Variants in SCAF8 observed in about 807,000 individuals in gnomAD.
The protein encoded by SCAF8 is SR-related CTD associated factor 8.
Under a neutral mutation model 140.5 loss-of-function variants are expected in SCAF8, and 23 were observed. The ratio of observed to expected loss-of-function variants is 0.16; its 90% CI spans 0.12 to 0.23. The LOEUF (loss-of-function observed/expected upper bound fraction) is 0.23, where lower values mean the gene tolerates loss of function less well. SCAF8 is among the 10% of genes least tolerant of loss of function. The pLI is 1.00. For missense variants in SCAF8, 1,397 were observed against 1,555.7 expected (o/e 0.90, Z 1.72); for synonymous variants, 575 against 528.9 (o/e 1.09, Z -1.20).
At chr6:154,736,460 T>A (rs774619078) in intron 1 of SCAF8, among the ~76,000 whole-genome samples, 2 of 151,680 alleles carry the variant, frequency 1.3e-5, no homozygotes, top group Non-Finnish European at 2.9e-5. Flanking sequence ...TTAGTAGAGA[T>A]GGGGTTTCAT....
At chr6:154,826,639 C>T (rs988389106) in intron 17 of SCAF8, among the ~76,000 whole-genome samples, 4 of 152,060 alleles carry the variant, frequency 2.6e-5, no homozygotes, top group East Asian at 1.9e-4. Flanking sequence ...CCCAGCTACT[C>T]GGGAGGCTGA....
chr6:154,821,955 A>G (rs1778432770), intron 15 of SCAF8, among the ~76,000 whole-genome samples: 1 of 152,194 alleles, frequency 6.6e-6, no homozygotes, highest in Non-Finnish European at 1.5e-5. Flanking sequence ...ATTTTGTGAT[A>G]AAAAATTGAG....
chr6:154,763,410 A>G (rs1776462138), intron 1 of SCAF8, among the ~76,000 whole-genome samples: 1 of 152,282 alleles, frequency 6.6e-6, no homozygotes, highest in East Asian at 1.9e-4. Context: ...GGTTGATTAC[A>G]TTTAGTTATT....
At chr6:154,815,188 T>TCGGGAGACTGAGG (rs1778211530) in intron 12 of SCAF8, among the ~76,000 whole-genome samples, 1 of 152,064 alleles carries the variant, frequency 6.6e-6, no homozygotes, top group Non-Finnish European at 1.5e-5. Flanking sequence ...TCCTAGCTAC[T>TCGGGAGACTGAGG]CGGGAGACTG....
Position 154,832,073 on chromosome 6 carries a change from T to G in SCAF8, c.2494T>G (p.Ser832Ala), listed in dbSNP as rs201456007. ...TTCTGAAATTCTTGGGGTCCGGCCA[T>G]CTAATGTTTCCAGTAGTTCTGGGAT... ...SNSEILGVRP[S>A]NVSSSSGIIA... is the part of the protein sequence containing the mutation. The change falls in exon 20 of 20, where the codon TCT becomes GCT. Residue 832 changes from serine to alanine, a missense_variant. Ser to Ala is a moderately conservative substitution (Grantham distance 99). This residue lies in a region of SCAF8 where 930 missense variants were observed against 874.6 expected (regional missense o/e 1.06). Coordinates refer to ENST00000367178, the MANE Select transcript of SCAF8 (RefSeq NM_014892.5). 6.2e-7 allele frequency: 1 copy of G among 1,614,142 alleles called. No homozygotes were observed. Among genetic ancestry groups the G allele is most frequent in the Non-Finnish European group, 8.5e-7 (1 of 1,179,988 alleles).
At chr6:154,752,251 T>C (rs1203237930) in intron 1 of SCAF8, among the ~76,000 whole-genome samples, 1 of 152,110 alleles carries the variant, frequency 6.6e-6, no homozygotes, top group Non-Finnish European at 1.5e-5. Flanking sequence ...AAGGAGATGG[T>C]GGTTTTATCA....
chr6:154,734,474 T>A (rs1215249255), intron 1 of SCAF8, among the ~76,000 whole-genome samples: 3 of 152,204 alleles, frequency 2.0e-5, no homozygotes, highest in Admixed American at 2.0e-4. Flanking sequence ...GGACTTGAGC[T>A]AATTGGATGG....
At chr6:154,740,043 T>G (rs1778527414) in intron 1 of SCAF8, among the ~76,000 whole-genome samples, 1 of 152,220 alleles carries the variant, frequency 6.6e-6, no homozygotes, top group South Asian at 2.1e-4. Flanking sequence ...CCTTTCCTAT[T>G]ATCATTTTCT....
rs141876535 is a variant in SCAF8, at chr6:154,787,619, T to G, written c.160-242T>G. On this transcript the variant is annotated intron_variant, in intron 3 of 19. Transcript: ENST00000367178. ...TGGTACCTTATTTATCACTTTGTTT[T>G]ATGTCATTGAAGCCAGTTACATAGT... 4.0e-3 allele frequency among the ~76,000 whole-genome samples: 611 copies of G among 152,322 alleles called. 1 individual carries two copies. Among genetic ancestry groups the G allele is most frequent in the Non-Finnish European group, 7.1e-3 (485 of 68,018 alleles).
intron 14 of SCAF8, 124 bp from the exon 15 acceptor site, chr6:154,820,053 C>T (rs1192298192): frequency 7.4e-6 from 5 of 675,778 alleles, no homozygotes; most frequent in Non-Finnish European, 1.1e-5. Context: ...CTTTGCTTTT[C>T]CAGCTGTTTT....
In SCAF8 at chr6:154,832,746, G is replaced by T; in HGVS notation, c.3167G>T (p.Gly1056Val). The change falls in exon 20 of 20, where the codon GGT becomes GTT. Residue 1056 changes from glycine to valine, a missense_variant. Gly to Val is a moderately radical substitution (Grantham distance 109). Coordinates refer to ENST00000367178, the MANE Select transcript of SCAF8 (RefSeq NM_014892.5). ...GGTCCTGGACGGCCTCCACTAGATG[G>T]TAGGGATCATTTTGGAAGACCTCCT... The part of the protein sequence containing the change: ...REGPGRPPLD[G>V]RDHFGRPPVD... 1 of 1,613,964 alleles carries T rather than the reference G, an allele frequency of 6.2e-7. No individual in the cohort carries two copies. The highest frequency in any genetic ancestry group is 8.5e-7 in the Non-Finnish European group (1 of 1,179,968).
intron 2 of SCAF8, among the ~76,000 whole-genome samples, chr6:154,777,445 C>T (rs1449996494): frequency 6.6e-6 from 1 of 152,040 alleles, no homozygotes. Flanking sequence ...TTCATTTTGT[C>T]TGATCCATTA....
At chr6:154,798,694 A>G (rs921471766) in intron 6 of SCAF8, among the ~76,000 whole-genome samples, 6 of 151,358 alleles carry the variant, frequency 4.0e-5, no homozygotes, top group African/African-American at 1.4e-4. Context: ...TCTGTTCTCA[A>G]TACTTCAGGT....
At chr6:154,764,188 G>A (rs906733088) in intron 1 of SCAF8, among the ~76,000 whole-genome samples, 1 of 151,832 alleles carries the variant, frequency 6.6e-6, no homozygotes, top group Admixed American at 6.6e-5. Flanking sequence ...TTTAAGGAAC[G>A]TTCTTTAATG....
At chr6:154,777,964 G>C in intron 2 of SCAF8, 37 bp from the exon 3 acceptor site, 1 of 1,335,138 alleles carries the variant, frequency 7.5e-7, no homozygotes, top group South Asian at 1.2e-5. Context: ...TCCTCAAACT[G>C]ATTTTAAAAC....
intron 1 of SCAF8, among the ~76,000 whole-genome samples, chr6:154,751,297 C>A (rs1378020550): frequency 6.6e-6 from 1 of 151,456 alleles, no homozygotes; most frequent in Non-Finnish European, 1.5e-5. Context: ...GGTGTGATCT[C>A]CGCTCACTGC....
chr6:154,826,189 T>G (rs942788178), intron 17 of SCAF8, among the ~76,000 whole-genome samples: 12 of 152,102 alleles, frequency 7.9e-5, no homozygotes, highest in Non-Finnish European at 1.8e-4. Context: ...TTTTAAATAT[T>G]GAAAAGTTTA....
At position 154,813,594 on chromosome 6, in the gene SCAF8, G is replaced by A. The variant is rs151291657; in HGVS notation, c.1421-2122G>A. On this transcript the variant is annotated intron_variant, in intron 12 of 19. Transcript: ENST00000367178. Reference sequence around the variant, plus strand: ...CCCAGACTTCTGTTAAGGTTTTGTGGTAGATTGGATAATGGCCCCCTAAAA... The same window carrying A: ...CCCAGACTTCTGTTAAGGTTTTGTGATAGATTGGATAATGGCCCCCTAAAA... Among the ~76,000 whole-genome samples, 331 of 152,286 alleles carry A rather than the reference G, an allele frequency of 2.2e-3. 2 individuals are homozygous for A. Among genetic ancestry groups the A allele is most frequent in the Non-Finnish European group, 4.1e-3 (278 of 68,032 alleles).
chr6:154,795,197 A>AACATACCGGT (rs1777565735), intron 6 of SCAF8, 58 bp downstream of exon 6: 1 of 1,455,742 alleles, frequency 6.9e-7, no homozygotes, highest in South Asian at 1.3e-5. Context: ...TTCCTAATGT[A>AACATACCGGT]TTACTTTGTA....
Sources: allele counts gnomAD v4.1 joint callset (sites outside exome capture counted in the v4.1 genomes callset), GRCh38; gene constraint gnomAD v4.1.1; regional missense constraint gnomAD v4.1.1; transcripts MANE v1.5; gene names NCBI Gene and HGNC (gene_info 2026-07-23, HGNC 2026-07-21).